Variants in HPSE2 observed in about 807,000 individuals in gnomAD.
The protein encoded by HPSE2 is heparanase 2 (inactive), also known as inactive heparanase-2.
In HPSE2, 38 loss-of-function variants were observed where a neutral mutation model predicts 60.5. That is an observed-to-expected ratio of 0.63 (90% CI 0.48 to 0.82). HPSE2 has a LOEUF of 0.82. HPSE2 is among the 40% of genes least tolerant of loss of function. The pLI, the probability that HPSE2 is intolerant of heterozygous loss-of-function variation, is 0.00. For missense variants in HPSE2, 713 were observed against 740.4 expected (o/e 0.96, Z 0.43); for synonymous variants, 295 against 293.2 (o/e 1.01, Z -0.06).
At chr10:99,243,573 TAC>T in the HPSE2 span, among the ~76,000 whole-genome samples, 5 of 152,198 alleles carry the variant, frequency 3.3e-5, no homozygotes, top group Non-Finnish European at 7.3e-5. Context: ...ACTGTTTTCT[TAC>T]ACAGTTATTA....
chr10:98,478,431 T>C (rs920406455), intron 11 of HPSE2, among the ~76,000 whole-genome samples: 1 of 151,920 alleles, frequency 6.6e-6, no homozygotes, highest in Admixed American at 6.6e-5. Context: ...GAATAGAATT[T>C]CAGAGCTCAA....
rs79032485 is a variant in HPSE2 at position 98,705,821 on chromosome 10, C to T, written c.957-11874G>A. ...AGCTAATGCATGCCGGGCTTAAAAC[C>T]TAGATGACGGGTTTGATAGGTGCAG... On this transcript the variant is annotated intron_variant, in intron 5 of 11. Transcript: ENST00000370552. Among the ~76,000 whole-genome samples the T allele has an allele frequency of 7.5e-3, 1,135 of 152,192 alleles. 18 individuals carry two copies. The highest frequency in any genetic ancestry group is 0.025 in the African/African-American group (1,053 of 41,528).
At chr10:99,177,364 T>C (rs931729141) in intron 2 of HPSE2, among the ~76,000 whole-genome samples, 5 of 152,178 alleles carry the variant, frequency 3.3e-5, no homozygotes, top group Admixed American at 3.3e-4. Context: ...GTGTGCTGTA[T>C]TCAGGAGACC....
chr10:99,292,866 G>A, the HPSE2 span, among the ~76,000 whole-genome samples: 1 of 152,018 alleles, frequency 6.6e-6, no homozygotes, highest in Admixed American at 6.5e-5. Context: ...TACAGATCTA[G>A]AGTAATACTT....
intron 9 of HPSE2, among the ~76,000 whole-genome samples, chr10:98,567,271 A>G (rs761675396): frequency 3.3e-5 from 5 of 152,326 alleles, no homozygotes; most frequent in Middle Eastern, 3.4e-3. Flanking sequence ...ATCCCTTCTG[A>G]GCTGAACCAG....
chr10:98,975,301 T>G (rs1189625293), intron 3 of HPSE2, among the ~76,000 whole-genome samples: 2 of 152,088 alleles, frequency 1.3e-5, no homozygotes, highest in Admixed American at 1.3e-4. Flanking sequence ...GATCAAAGAA[T>G]AGAAACAACA....
intron 9 of HPSE2, among the ~76,000 whole-genome samples, chr10:98,575,881 C>T (rs1273169063): frequency 1.3e-5 from 2 of 152,136 alleles, no homozygotes; most frequent in African/African-American, 4.8e-5. Context: ...GAGTTAAATT[C>T]ACCTGATAAA....
At chr10:98,810,674 G>T (rs2134568595) in intron 3 of HPSE2, among the ~76,000 whole-genome samples, 2 of 152,046 alleles carry the variant, frequency 1.3e-5, no homozygotes, top group South Asian at 4.1e-4. Context: ...ACGGTCTTTT[G>T]GCTTCCCTGG....
Position 99,112,415 on chromosome 10 carries a change from G to GTGTTTTGTTTTGTTTTGTTT in HPSE2, c.610+31803_610+31822dup, listed in dbSNP as rs72389662. ...CCACCATGCCCGGCTTTTTTTTGTT[G>GTGTTTTGTTTTGTTTTGTTT]TGTTTTGTTTTGTTTTGTTTTGTTT... On this transcript the variant is annotated intron_variant, in intron 3 of 11. Coordinates refer to ENST00000370552, the MANE Select transcript of HPSE2 (RefSeq NM_021828.5). Among the ~76,000 whole-genome samples the GTGTTTTGTTTTGTTTTGTTT allele has an allele frequency of 1.9e-4, 26 of 136,012 alleles. No homozygotes were observed. In the South Asian group the frequency reaches 3.0e-3, roughly 16 times the overall value. The allele number at this position is 136,012 out of a possible 152,430, so 89.2% of individuals were successfully genotyped here.
chr10:98,470,410 T>A (rs1392901023), intron 11 of HPSE2, among the ~76,000 whole-genome samples: 1 of 152,140 alleles, frequency 6.6e-6, no homozygotes, highest in Non-Finnish European at 1.5e-5. Flanking sequence ...TGTTTGGCAG[T>A]GGGTCCACAG....
rs958448597 is a variant in HPSE2 at position 98,552,374 on chromosome 10, G to A, written c.1321-62178C>T. On this transcript the variant is annotated intron_variant, in intron 9 of 11. Transcript: ENST00000370552. ...GGGTTTTATGACACTTAATATTAAC[G>A]CACTTAGAACTGTGCCTGGCACATA... 5.9e-5 allele frequency among the ~76,000 whole-genome samples: 9 copies of A among 152,036 alleles called. No homozygotes were observed. The South Asian group carries it at 6.2e-4, about 11-fold the overall frequency.
chr10:98,656,782 A>C (rs1304318491), intron 6 of HPSE2, among the ~76,000 whole-genome samples: 1 of 117,756 alleles, frequency 8.5e-6, no homozygotes, highest in Non-Finnish European at 1.7e-5. Flanking sequence ...TTTTTTTGGG[A>C]TGGAGTTTCG....
intron 8 of HPSE2, among the ~76,000 whole-genome samples, chr10:98,617,796 C>T (rs1945955758): frequency 6.6e-6 from 1 of 152,166 alleles, no homozygotes; most frequent in Non-Finnish European, 1.5e-5. Context: ...CTATTAGGTG[C>T]TTGAGACACA....
chr10:99,074,655 G>A (rs1361427890), intron 3 of HPSE2, among the ~76,000 whole-genome samples: 2 of 152,054 alleles, frequency 1.3e-5, no homozygotes, highest in Non-Finnish European at 1.5e-5. Flanking sequence ...TAAATGTTTG[G>A]TAGAATTCAT....
At chr10:99,085,372 G>A (rs1843282343) in intron 3 of HPSE2, among the ~76,000 whole-genome samples, 1 of 152,304 alleles carries the variant, frequency 6.6e-6, no homozygotes, top group East Asian at 1.9e-4. Flanking sequence ...AGTGTGCCAC[G>A]ATGGGGCTAG....
chr10:99,000,742 T>TAGA (rs1956759667), intron 3 of HPSE2, among the ~76,000 whole-genome samples: 1 of 151,954 alleles, frequency 6.6e-6, no homozygotes, highest in South Asian at 2.1e-4. Context: ...AGATTGGCAG[T>TAGA]AGAAGACAAA....
intron 2 of HPSE2, among the ~76,000 whole-genome samples, chr10:99,145,156 A>T (rs185326926): frequency 6.6e-6 from 1 of 152,238 alleles, no homozygotes; most frequent in Non-Finnish European, 1.5e-5. Flanking sequence ...CAAAAAGAAA[A>T]ATTCATACAG....
chr10:99,211,150 A>T (rs1329192901), intron 2 of HPSE2, among the ~76,000 whole-genome samples: 1 of 152,126 alleles, frequency 6.6e-6, no homozygotes, highest in African/African-American at 2.4e-5. Context: ...AATGAAGACA[A>T]CAATTCTATT....
At chr10:99,272,764 A>G in the HPSE2 span, among the ~76,000 whole-genome samples, 5 of 152,240 alleles carry the variant, frequency 3.3e-5, no homozygotes, top group East Asian at 9.6e-4. Flanking sequence ...AAAAAAAAAT[A>G]AAAAAATAAT....
Sources: allele counts gnomAD v4.1 joint callset (sites outside exome capture counted in the v4.1 genomes callset), GRCh38; gene constraint gnomAD v4.1.1; transcripts MANE v1.5; gene names NCBI Gene and HGNC (gene_info 2026-07-23, HGNC 2026-07-21).